Variants in TPTE observed in about 807,000 individuals in gnomAD.
The protein encoded by TPTE is putative tyrosine-protein phosphatase TPTE.
A neutral mutation model predicts 84.1 loss-of-function variants in TPTE; 59 were observed. The observed-to-expected ratio is 0.70, with a 90% CI of 0.57 to 0.87. The LOEUF is 0.87. TPTE is among the 40% of genes least tolerant of loss of function. The pLI is 0.00. For missense variants in TPTE, 382 were observed against 659.6 expected (o/e 0.58, Z 4.61); for synonymous variants, 130 against 223.5 (o/e 0.58, Z 3.73).
At chr21:10,535,448 C>T (rs2074250825) in intron 3 of TPTE, among the ~76,000 whole-genome samples, 1 of 152,302 alleles carries the variant, frequency 6.6e-6, no homozygotes, top group African/African-American at 2.4e-5. Context: ...ATATCTTTGA[C>T]ACTATGTCTA....
At chr21:10,526,690 C>A (rs1179366862) in intron 2 of TPTE, among the ~76,000 whole-genome samples, 1 of 152,306 alleles carries the variant, frequency 6.6e-6, no homozygotes, top group Non-Finnish European at 1.5e-5. Flanking sequence ...AATGTGTATC[C>A]GTTTATATTG....
At chr21:10,599,305 G>A (rs1401535204) in intron 21 of TPTE, among the ~76,000 whole-genome samples, 1 of 152,428 alleles carries the variant, frequency 6.6e-6, no homozygotes, top group African/African-American at 2.4e-5. Context: ...AATCTCCTTT[G>A]CTCATGCCTA....
chr21:10,585,698 T>G, intron 17 of TPTE, among the ~76,000 whole-genome samples: 1 of 152,302 alleles, frequency 6.6e-6, no homozygotes, highest in African/African-American at 2.4e-5. Flanking sequence ...TAAAGTGAAA[T>G]TCACCAGTGA....
At chr21:10,595,738 A>C (rs1236669595) in intron 19 of TPTE, among the ~76,000 whole-genome samples, 3 of 152,310 alleles carry the variant, frequency 2.0e-5, no homozygotes, top group Non-Finnish European at 2.9e-5. Context: ...AACCATAAGC[A>C]GCCTATAAAC....
chr21:10,527,155 T>TCACACACACACA (rs1302903658), intron 2 of TPTE, among the ~76,000 whole-genome samples, 200 bp from the exon 3 acceptor site: 546 of 142,638 alleles, frequency 3.8e-3, no homozygotes, highest in Non-Finnish European at 5.5e-3. Flanking sequence ...TCTCTCTCTC[T>TCACACACACACA]CTCACACACA....
At position 10,538,675 on chromosome 21, in the gene TPTE, C is replaced by G. The variant is rs2074311567; in HGVS notation, c.-43-6C>G. The G allele has an allele frequency of 5.0e-6, 8 of 1,614,044 alleles. No individual in the cohort carries two copies. Among genetic ancestry groups the G allele is most frequent in the Non-Finnish European group, 6.8e-6 (8 of 1,179,854 alleles). The stretch of plus-strand genomic sequence containing the variant: ...TGTCTGACTATATTCTTTTGACATC[C>G]TCTAGTCCACCCACAAATGAATTAT... On this transcript the variant is annotated splice_region_variant and splice_polypyrimidine_tract_variant and intron_variant, in intron 3 of 23. Transcript: ENST00000618007.
chr21:10,590,628 G>C, intron 18 of TPTE, 105 bp downstream of exon 18: 2 of 1,550,686 alleles, frequency 1.3e-6, no homozygotes, highest in South Asian at 1.2e-5. Context: ...ATGGTGCTTA[G>C]TAAAATTGTA....
intron 7 of TPTE, among the ~76,000 whole-genome samples, chr21:10,548,961 T>C (rs961220606): frequency 2.6e-5 from 4 of 152,308 alleles, no homozygotes; most frequent in African/African-American, 4.8e-5. Flanking sequence ...GCCAGCGGCA[T>C]AAAGCCATAC....
At chr21:10,591,932 GCAGGCGGATCTCTTGAGGT>G (rs1387953180) in intron 18 of TPTE, among the ~76,000 whole-genome samples, 2 of 152,312 alleles carry the variant, frequency 1.3e-5, no homozygotes, top group African/African-American at 4.8e-5. Context: ...GGAGGCTGAG[GCAGGCGGATCTCTTGAGGT>G]CAAGAGTTTG....
At chr21:10,593,131 TCC>T (rs1443799799) in intron 19 of TPTE, among the ~76,000 whole-genome samples, 1 of 152,310 alleles carries the variant, frequency 6.6e-6, no homozygotes, top group African/African-American at 2.4e-5. Flanking sequence ...ATCCATTCTT[TCC>T]CACTCCACTC....
At chr21:10,545,093 CAT>C (rs547716575) in intron 7 of TPTE, among the ~76,000 whole-genome samples, 23 of 152,418 alleles carry the variant, frequency 1.5e-4, no homozygotes, top group South Asian at 1.0e-3. Flanking sequence ...TCTAGGATAA[CAT>C]GTGGAGTCTT....
chr21:10,547,052 G>T (rs2074481526), intron 7 of TPTE, among the ~76,000 whole-genome samples: 1 of 152,306 alleles, frequency 6.6e-6, no homozygotes, highest in Non-Finnish European at 1.5e-5. Context: ...TCAACGCATG[G>T]TTTCAAATCT....
At chr21:10,553,668 A>C (rs2074623859) in intron 8 of TPTE, among the ~76,000 whole-genome samples, 1 of 152,308 alleles carries the variant, frequency 6.6e-6, no homozygotes, top group African/African-American at 2.4e-5. Flanking sequence ...AGGAATTTGC[A>C]GTAGTCCCTG....
chr21:10,531,954 A>C (rs1366876016), intron 3 of TPTE, among the ~76,000 whole-genome samples: 4 of 152,300 alleles, frequency 2.6e-5, no homozygotes, highest in African/African-American at 9.6e-5. Flanking sequence ...AATCATTGTC[A>C]ATGACATATA....
intron 3 of TPTE, among the ~76,000 whole-genome samples, chr21:10,535,756 C>G (rs1318946131): frequency 6.6e-6 from 1 of 152,310 alleles, no homozygotes; most frequent in East Asian, 1.9e-4. Context: ...TAATGGGTTC[C>G]TCACCTTCTA....
At chr21:10,537,677 C>CAAA (rs58515233) in intron 3 of TPTE, among the ~76,000 whole-genome samples, 1 of 109,790 alleles carries the variant, frequency 9.1e-6, no homozygotes, top group Non-Finnish European at 2.2e-5. Context: ...GACTCCCCCT[C>CAAA]AAAAAAAAAA....
chr21:10,562,399 C>G (rs1426542747), intron 10 of TPTE, among the ~76,000 whole-genome samples: 1 of 152,302 alleles, frequency 6.6e-6, no homozygotes, highest in South Asian at 2.1e-4. Context: ...CATGACCTCA[C>G]CAAATGAACT....
At chr21:10,582,820 G>A (rs1324940991) in intron 17 of TPTE, among the ~76,000 whole-genome samples, 25 of 152,260 alleles carry the variant, frequency 1.6e-4, no homozygotes, top group African/African-American at 2.2e-4. Flanking sequence ...TGCAACCTCC[G>A]CCTCCTGGGT....
intron 3 of TPTE, among the ~76,000 whole-genome samples, chr21:10,528,692 A>G (rs1315881374): frequency 6.6e-6 from 1 of 152,306 alleles, no homozygotes. Flanking sequence ...GATTACCAAT[A>G]TAGTCACCAA....
Sources: allele counts gnomAD v4.1 joint callset (sites outside exome capture counted in the v4.1 genomes callset), GRCh38; gene constraint gnomAD v4.1.1; transcripts MANE v1.5; gene names NCBI Gene and HGNC (gene_info 2026-07-23, HGNC 2026-07-21).